RBMS3: variants seen among roughly 807,000 people sequenced by gnomAD.
The protein encoded by RBMS3 is RNA binding motif single stranded interacting protein 3, also known as RNA-binding motif, single-stranded-interacting protein 3.
A neutral mutation model predicts 66.8 loss-of-function variants in RBMS3; 27 were observed. The observed-to-expected ratio is 0.40, with a 90% CI of 0.30 to 0.56. The LOEUF is 0.56. Ranked by LOEUF, RBMS3 falls within the 20% of genes least tolerant of loss-of-function variation. The pLI, the probability that RBMS3 is intolerant of heterozygous loss-of-function variation, is 0.40. For missense variants in RBMS3, 513 were observed against 549.5 expected (o/e 0.93, Z 0.66); for synonymous variants, 188 against 183.0 (o/e 1.03, Z -0.22).
chr3:29,899,584 C>T (rs574744120), intron 9 of RBMS3, 121 bp from the exon 10 acceptor site: 27 of 763,808 alleles, frequency 3.5e-5, no homozygotes, highest in Admixed American at 1.0e-4. Flanking sequence ...GTTTTGAGCA[C>T]GAATTAACTG....
intron 3 of RBMS3, among the ~76,000 whole-genome samples, chr3:29,531,675 C>A (rs2045356242): frequency 6.6e-6 from 1 of 152,202 alleles, no homozygotes; most frequent in Admixed American, 6.5e-5. Flanking sequence ...GTTTGAGCAT[C>A]TCAAGTGTTC....
intron 6 of RBMS3, among the ~76,000 whole-genome samples, chr3:29,805,710 C>T (rs1251176383): frequency 6.6e-6 from 1 of 151,938 alleles, no homozygotes; most frequent in Non-Finnish European, 1.5e-5. Flanking sequence ...TTTTTTTGTA[C>T]AGCTGTACAA....
intron 3 of RBMS3, among the ~76,000 whole-genome samples, chr3:29,505,138 A>G (rs1246106598): frequency 6.6e-6 from 1 of 152,086 alleles, no homozygotes; most frequent in African/African-American, 2.4e-5. Flanking sequence ...GACCAGACCA[A>G]TGTCACAGAG....
At chr3:29,569,092 T>G (rs2046845354) in intron 3 of RBMS3, among the ~76,000 whole-genome samples, 1 of 152,154 alleles carries the variant, frequency 6.6e-6, no homozygotes, top group South Asian at 2.1e-4. Flanking sequence ...ACAGCTCACA[T>G]CTGAGCAGCA....
chr3:29,712,294 A>C lies in RBMS3; in HGVS notation c.400-27426A>C, dbSNP rs143333783. Reference sequence around the variant, plus strand: ...TGGGAAAGATTTGTATTTGGTTTTTATTTTTGTTAATTTTTATTTATTATT... The same window carrying C: ...TGGGAAAGATTTGTATTTGGTTTTTCTTTTTGTTAATTTTTATTTATTATT... On this transcript the variant is annotated intron_variant, in intron 4 of 14. Transcript: ENST00000383767. Among the ~76,000 whole-genome samples the C allele has an allele frequency of 1.7e-3, 251 of 151,818 alleles. 2 individuals are homozygous for C. Among genetic ancestry groups the C allele is most frequent in the African/African-American group, 5.9e-3 (243 of 41,430 alleles).
At chr3:29,662,487 C>A (rs1290473357) in intron 4 of RBMS3, among the ~76,000 whole-genome samples, 1 of 152,074 alleles carries the variant, frequency 6.6e-6, no homozygotes, top group Non-Finnish European at 1.5e-5. Context: ...CAAATATTGA[C>A]AAGGAAGAAG....
At chr3:29,790,323 A>C (rs996549779) in intron 6 of RBMS3, among the ~76,000 whole-genome samples, 1 of 152,110 alleles carries the variant, frequency 6.6e-6, no homozygotes, top group Non-Finnish European at 1.5e-5. Context: ...ACATGATATC[A>C]CTCAATTTTG....
intron 12 of RBMS3, among the ~76,000 whole-genome samples, chr3:29,975,903 A>G (rs1697548652): frequency 6.6e-6 from 1 of 151,960 alleles, no homozygotes; most frequent in Admixed American, 6.6e-5. Context: ...TGGGGATTGC[A>G]ATTTGTAAGG....
In RBMS3 at chr3:30,009,029, T is replaced by C. The variant is rs182402598; in HGVS notation, c.*5167T>C. On this transcript the variant is annotated 3_prime_UTR_variant, in exon 15 of 15. Transcript: ENST00000383767. ...GGCTTTCAATATTCATTTCTGTTTA[T>C]TTTTGTGAGGGAAAATAATATATCA... is the stretch of plus-strand genomic sequence containing the variant. 3.3e-5 allele frequency: 5 copies of C among 152,252 alleles called. No homozygotes were observed. In the East Asian group the frequency reaches 9.7e-4, roughly 29 times the overall value. 9.4% of individuals were successfully genotyped at this position (152,252 alleles called of 1,614,324 possible). A position where few individuals can be genotyped will look rare whatever the true frequency, so the allele number is the denominator to read the frequency against.
intron 6 of RBMS3, among the ~76,000 whole-genome samples, chr3:29,843,600 A>C (rs1297150165): frequency 6.6e-6 from 1 of 152,172 alleles, no homozygotes; most frequent in Non-Finnish European, 1.5e-5. Context: ...TTCTTCCTTC[A>C]TTAGTTGAAA....
At chr3:29,450,977 A>G (rs1363103626) in intron 2 of RBMS3, among the ~76,000 whole-genome samples, 1 of 151,934 alleles carries the variant, frequency 6.6e-6, no homozygotes, top group Non-Finnish European at 1.5e-5. Flanking sequence ...CAACACTTTC[A>G]TATTTGGGAG....
At chr3:29,377,790 AATACT>A (rs2038554925) in intron 1 of RBMS3, among the ~76,000 whole-genome samples, 1 of 152,148 alleles carries the variant, frequency 6.6e-6, no homozygotes, top group South Asian at 2.1e-4. Context: ...TATGACCCCC[AATACT>A]GGGTTTGGTG....
At chr3:29,959,488 T>C (rs1696267437) in intron 12 of RBMS3, among the ~76,000 whole-genome samples, 2 of 152,132 alleles carry the variant, frequency 1.3e-5, no homozygotes, top group African/African-American at 4.8e-5. Context: ...GTGACTCTGG[T>C]GCATGATTCT....
intron 12 of RBMS3, among the ~76,000 whole-genome samples, chr3:29,944,733 G>A (rs1459050773): frequency 2.6e-5 from 4 of 151,696 alleles, no homozygotes; most frequent in African/African-American, 4.8e-5. Context: ...ACACATAGTA[G>A]GTACTCAATA....
intron 6 of RBMS3, among the ~76,000 whole-genome samples, chr3:29,838,070 G>A (rs989826494): frequency 1.3e-5 from 2 of 149,596 alleles, no homozygotes; most frequent in African/African-American, 4.9e-5. Context: ...GGTCATGCCT[G>A]TAATCCCACT....
At chr3:29,976,035 C>T (rs1318812449) in intron 12 of RBMS3, among the ~76,000 whole-genome samples, 2 of 150,636 alleles carry the variant, frequency 1.3e-5, no homozygotes, top group Non-Finnish European at 3.0e-5. Flanking sequence ...TAGAAGTTTT[C>T]ATTGCCTTCT....
chr3:29,759,785 G>T (rs2055584007), intron 5 of RBMS3, among the ~76,000 whole-genome samples: 1 of 151,962 alleles, frequency 6.6e-6, no homozygotes, highest in Non-Finnish European at 1.5e-5. Context: ...GAGGAACACT[G>T]AGCCTTTTCC....
At chr3:29,693,569 G>A (rs7650927) in intron 4 of RBMS3, among the ~76,000 whole-genome samples, 87,867 of 151,900 alleles carry the variant, frequency 0.58, 25,578 homozygotes, top group African/African-American at 0.63. Flanking sequence ...TTGTGTCTCA[G>A]TTTACTTATT....
chr3:29,552,470 A>G (rs998122652), intron 3 of RBMS3, among the ~76,000 whole-genome samples: 4 of 152,128 alleles, frequency 2.6e-5, no homozygotes. Flanking sequence ...TCTTCTTTTC[A>G]TTTGATTTTT....
Sources: gnomAD v4.1 joint callset for allele counts (sites outside exome capture counted in the v4.1 genomes callset) on GRCh38, gnomAD v4.1.1 for gene constraint, MANE v1.5 for transcripts, NCBI Gene and HGNC (gene_info 2026-07-23, HGNC 2026-07-21) for gene names.